Variants in FSTL1 observed in about 807,000 individuals in gnomAD.
FSTL1 encodes the protein follistatin like 1.
Under a neutral mutation model 45.9 loss-of-function variants are expected in FSTL1, and 24 were observed. That is an observed-to-expected ratio of 0.52 (90% confidence interval 0.38 to 0.74). FSTL1 has a LOEUF of 0.74. FSTL1 is among the 30% of genes least tolerant of loss of function. The pLI is 0.00. For missense variants in FSTL1, 340 were observed against 381.8 expected, an observed-to-expected ratio of 0.89 and a Z score of 0.91; for synonymous variants, 120 against 137.6, an observed-to-expected ratio of 0.87 and a Z score of 0.89.
chr3:120,445,930 A>C (rs1937729611), intron 2 of FSTL1, among the ~76,000 whole-genome samples: 1 of 150,052 alleles, frequency 6.7e-6, no homozygotes, highest in Admixed American at 6.6e-5. Context: ...TCTCAGAGAA[A>C]GCACCCCTTG....
intron 5 of FSTL1, chr3:120,409,870 T>C (rs1937018558): frequency 2.6e-6 from 1 of 390,410 alleles, no homozygotes. Flanking sequence ...TTTGTAAAGA[T>C]TGAGAATATT....
intron 3 of FSTL1, 46 bp from the exon 4 acceptor site, chr3:120,412,029 A>T: frequency 6.7e-7 from 1 of 1,485,118 alleles, no homozygotes; most frequent in Non-Finnish European, 9.3e-7. Flanking sequence ...ATGGATATCG[A>T]CACACAGACA....
intron 2 of FSTL1, among the ~76,000 whole-genome samples, chr3:120,428,617 C>G (rs1158308376): frequency 6.6e-6 from 1 of 152,174 alleles, no homozygotes; most frequent in Non-Finnish European, 1.5e-5. Context: ...ACCTGTAAAT[C>G]CAGCTACTCT....
intron 6 of FSTL1, among the ~76,000 whole-genome samples, chr3:120,408,671 T>C (rs1261836809): frequency 1.3e-5 from 2 of 152,050 alleles, no homozygotes; most frequent in African/African-American, 4.8e-5. Flanking sequence ...GAAATGTGGG[T>C]ATCTGAATGT....
chr3:120,400,863 C>G (rs1014078830), intron 9 of FSTL1, among the ~76,000 whole-genome samples: 1 of 152,218 alleles, frequency 6.6e-6, no homozygotes, highest in African/African-American at 2.4e-5. Flanking sequence ...GGGGCACCAC[C>G]ATCTAACATG....
intron 2 of FSTL1, among the ~76,000 whole-genome samples, chr3:120,446,265 G>A (rs544103122): frequency 4.2e-4 from 64 of 152,182 alleles, no homozygotes; most frequent in African/African-American, 1.4e-3. Context: ...CTTTCTTTTC[G>A]TCTTTGGGGC....
At chr3:120,406,436 G>A (rs770578533) in intron 6 of FSTL1, among the ~76,000 whole-genome samples, 1 of 151,888 alleles carries the variant, frequency 6.6e-6, no homozygotes, top group Non-Finnish European at 1.5e-5. Flanking sequence ...TCCAGCACTA[G>A]CTACAGACCC....
In FSTL1 at chr3:120,395,825, G is replaced by A; in HGVS notation, c.*1127C>T. The A allele has an allele frequency of 2.2e-6, 1 of 456,926 alleles. No individual in the cohort carries two copies. Among genetic ancestry groups the A allele is most frequent in the Admixed American group, 2.7e-5 (1 of 37,278 alleles). The allele number at this position is 456,926 out of a possible 1,614,324, so 28.3% of individuals were successfully genotyped here. ...TGAGGTCCAGAAAAAAGAAGAGACA[G>A]GGCCAACTCACCCTCCTAGTTAGTC... is the stretch of plus-strand genomic sequence containing the variant. On this transcript the variant is annotated 3_prime_UTR_variant, in exon 11 of 11. Transcript: ENST00000295633.
chr3:120,446,877 T>A (rs190839353), intron 2 of FSTL1, among the ~76,000 whole-genome samples: 102 of 152,320 alleles, frequency 6.7e-4, no homozygotes, highest in Non-Finnish European at 1.0e-3. Flanking sequence ...TGTTCTCTCT[T>A]AGGTAATACA....
chr3:120,415,137 A>AT (rs1937165021), intron 3 of FSTL1, among the ~76,000 whole-genome samples: 1 of 146,110 alleles, frequency 6.8e-6, no homozygotes, highest in East Asian at 2.1e-4. Flanking sequence ...AAAAAAAAAC[A>AT]TTAAAAAAAA....
At chr3:120,405,099 G>T in intron 6 of FSTL1, 128 bp from the exon 7 acceptor site, 1 of 649,724 alleles carries the variant, frequency 1.5e-6, no homozygotes. Context: ...CCTGACCTCA[G>T]AGGGCCTTGG....
At position 120,396,749 on chromosome 3, in the gene FSTL1, C is replaced by G. The variant is rs1461139198; in HGVS notation, c.*203G>C. 3 of 578,328 alleles carry G rather than the reference C, an allele frequency of 5.2e-6. No homozygotes were observed. Among genetic ancestry groups the G allele is most frequent in the South Asian group, 2.2e-5 (1 of 45,762 alleles). The allele number at this position is 578,328 out of a possible 1,614,324, so 35.8% of individuals were successfully genotyped here. On this transcript the variant is annotated 3_prime_UTR_variant, in exon 11 of 11. Transcript: ENST00000295633. ...CATTTACAGTTTCTCTTAAAGCACT[C>G]CTAGAAATGAAGGCTGTGGCCCTTC...
At chr3:120,401,294 T>C (rs1405427166) in intron 9 of FSTL1, among the ~76,000 whole-genome samples, 7 of 152,178 alleles carry the variant, frequency 4.6e-5, no homozygotes, top group East Asian at 1.9e-4. Flanking sequence ...TGTAGGAATT[T>C]CTAGTCTCTA....
chr3:120,418,511 C>T (rs1004128090), intron 2 of FSTL1, among the ~76,000 whole-genome samples: 2 of 152,190 alleles, frequency 1.3e-5, no homozygotes, highest in African/African-American at 2.4e-5. Context: ...GCTTAAATAA[C>T]TAGAAAGTGG....
chr3:120,412,824 G>A (rs1553702956), intron 3 of FSTL1, among the ~76,000 whole-genome samples: 33,635 of 92,742 alleles, frequency 0.36, 4,813 homozygotes, highest in Non-Finnish European at 0.43. Flanking sequence ...ACATGTGCGC[G>A]CGCGCGCGCG....
intron 2 of FSTL1, among the ~76,000 whole-genome samples, chr3:120,446,107 GCCAGATGT>G (rs1449787043): frequency 6.6e-6 from 1 of 152,132 alleles, no homozygotes; most frequent in African/African-American, 2.4e-5. Context: ...GAAACATTCT[GCCAGATGT>G]CCAGTTATTT....
At chr3:120,442,507 T>A (rs1937643137) in intron 2 of FSTL1, among the ~76,000 whole-genome samples, 1 of 152,176 alleles carries the variant, frequency 6.6e-6, no homozygotes, top group East Asian at 1.9e-4. Context: ...AGGCCTGGCA[T>A]CGTGGCTCAC....
At chr3:120,411,760 G>C (rs1937058244) in intron 4 of FSTL1, 94 bp downstream of exon 4, 1 of 1,113,006 alleles carries the variant, frequency 9.0e-7, no homozygotes, top group African/African-American at 1.5e-5. Flanking sequence ...CTGTGGTCGT[G>C]GAGGAAAGAC....
chr3:120,403,484 AG>A, intron 7 of FSTL1, 130 bp from the exon 8 acceptor site: 1 of 606,374 alleles, frequency 1.6e-6, no homozygotes, highest in Non-Finnish European at 3.0e-6. Context: ...TAACTAAAAC[AG>A]CCTCTCTCTA....
Sources: allele counts gnomAD v4.1 joint callset (sites outside exome capture counted in the v4.1 genomes callset), GRCh38; gene constraint gnomAD v4.1.1; transcripts MANE v1.5; gene names NCBI Gene and HGNC (gene_info 2026-07-23, HGNC 2026-07-21).